Variants in PRKAR1A observed in about 807,000 individuals in gnomAD.
The protein encoded by PRKAR1A is cAMP-dependent protein kinase type I-alpha regulatory subunit.
In PRKAR1A, 3 loss-of-function variants were observed where a neutral mutation model predicts 52.0. The observed-to-expected ratio is 0.06, with a 90% CI of 0.03 to 0.15. The LOEUF (loss-of-function observed/expected upper bound fraction) is 0.15, where lower values mean the gene tolerates loss of function less well. PRKAR1A is among the 10% of genes least tolerant of loss of function. The probability of loss-of-function intolerance (pLI) is 1.00; values close to 1 mark genes in which losing one functional copy is unlikely to be tolerated. For missense variants in PRKAR1A, 240 were observed against 477.4 expected (o/e 0.50, Z 4.63); for synonymous variants, 188 against 168.4 (o/e 1.12, Z -0.90).
the PRKAR1A span, among the ~76,000 whole-genome samples, chr17:68,481,438 A>T: frequency 6.6e-6 from 1 of 152,200 alleles, no homozygotes; most frequent in South Asian, 2.1e-4. Flanking sequence ...TCTGGGGATG[A>T]TGGGAGATAG....
At position 68,551,082 on chromosome 17, in the gene PRKAR1A, AG is replaced by A. The variant is rs2086813315; in HGVS notation, c.974del. On this transcript the variant is annotated splice_acceptor_variant, in intron 11 of 11. Transcript: ENST00000585981. LOFTEE classifies it high-confidence loss of function. Reference sequence around the variant, plus strand: ...CTCTTGGGGCGATTTTCTTTTCTGCAGGTCACCTCATCATCTCAAGGAGGAG... The same window carrying A: ...CTCTTGGGGCGATTTTCTTTTCTGCAGTCACCTCATCATCTCAAGGAGGAG... 11 of 1,234,238 alleles carry A rather than the reference AG, an allele frequency of 8.9e-6. No individual in the cohort carries two copies. The highest frequency in any genetic ancestry group is 1.0e-5 in the Non-Finnish European group (10 of 988,150). 76.5% of individuals were successfully genotyped at this position (1,234,238 alleles called of 1,614,324 possible). A position where few individuals can be genotyped will look rare whatever the true frequency, so the allele number is the denominator to read the frequency against.
At chr17:68,478,914 G>A in the PRKAR1A span, among the ~76,000 whole-genome samples, 1 of 152,100 alleles carries the variant, frequency 6.6e-6, no homozygotes, top group Non-Finnish European at 1.5e-5. Context: ...TTTTAGTAGA[G>A]ACGGGGTTTC....
the PRKAR1A span, among the ~76,000 whole-genome samples, chr17:68,423,571 G>T: frequency 2.0e-5 from 3 of 152,152 alleles, no homozygotes; most frequent in Admixed American, 6.5e-5. This position sits in a 1 kb window ranked among gnomAD's most constrained non-coding sequence, Gnocchi z 4.4. Flanking sequence ...TATTTCTTGC[G>T]TATAAATAAG....
chr17:68,474,628 G>T, the PRKAR1A span, among the ~76,000 whole-genome samples: 1 of 152,314 alleles, frequency 6.6e-6, no homozygotes, highest in Admixed American at 6.5e-5. Flanking sequence ...GGGAGCAGTG[G>T]CTCACACCTG....
At chr17:68,469,065 ATCTCTT>A in the PRKAR1A span, among the ~76,000 whole-genome samples, 58 of 152,212 alleles carry the variant, frequency 3.8e-4, no homozygotes, top group African/African-American at 1.2e-3. Flanking sequence ...TCCTGATGGG[ATCTCTT>A]TCTCCTGAGC....
chr17:68,526,359 T>TA (rs2085791739), intron 7 of PRKAR1A, among the ~76,000 whole-genome samples: 1 of 152,212 alleles, frequency 6.6e-6, no homozygotes, highest in Non-Finnish European at 1.5e-5. Context: ...CCCCTCTCGT[T>TA]AAAGGAATAA....
chr17:68,491,411 T>C, the PRKAR1A span, among the ~76,000 whole-genome samples: 1 of 152,172 alleles, frequency 6.6e-6, no homozygotes, highest in African/African-American at 2.4e-5. Context: ...ATTTCCTTTG[T>C]CAGATGCCTA....
chr17:68,471,459 G>A, the PRKAR1A span, among the ~76,000 whole-genome samples: 1 of 152,286 alleles, frequency 6.6e-6, no homozygotes, highest in East Asian at 1.9e-4. Flanking sequence ...TTGATGTGTG[G>A]TATGGACAGA....
At chr17:68,433,760 GT>G in the PRKAR1A span, among the ~76,000 whole-genome samples, 470 of 72,824 alleles carry the variant, frequency 6.5e-3, 19 homozygotes, top group East Asian at 0.013. Context: ...AAGGGTCATA[GT>G]TTTTTTTTTT....
chr17:68,508,065 C>T (rs1265424867), upstream of PRKAR1A, among the ~76,000 whole-genome samples: 1 of 143,410 alleles, frequency 7.0e-6, no homozygotes, highest in African/African-American at 2.5e-5. Flanking sequence ...AGTTGAAGGC[C>T]TTAAGAGAAA....
chr17:68,475,284 G>T, the PRKAR1A span, among the ~76,000 whole-genome samples: 3 of 152,320 alleles, frequency 2.0e-5, no homozygotes, highest in African/African-American at 7.2e-5. Flanking sequence ...GGACACCTGT[G>T]CCCTTGTTTC....
At chr17:68,472,453 C>T in the PRKAR1A span, among the ~76,000 whole-genome samples, 1 of 152,210 alleles carries the variant, frequency 6.6e-6, no homozygotes, top group Admixed American at 6.5e-5. Flanking sequence ...AGTGACTTAA[C>T]TTGCAGACCC....
chr17:68,488,886 T>C, the PRKAR1A span, among the ~76,000 whole-genome samples: 9 of 151,906 alleles, frequency 5.9e-5, no homozygotes, highest in Non-Finnish European at 1.0e-4. Context: ...GTGGATATGG[T>C]GTGAGAAATA....
chr17:68,458,159 C>T, the PRKAR1A span, among the ~76,000 whole-genome samples: 1 of 152,194 alleles, frequency 6.6e-6, no homozygotes, highest in South Asian at 2.1e-4. Flanking sequence ...GTTATCTTAT[C>T]CATTGCCGAG....
At chr17:68,486,477 CCT>C in the PRKAR1A span, among the ~76,000 whole-genome samples, 6 of 75,812 alleles carry the variant, frequency 7.9e-5, no homozygotes, top group South Asian at 5.0e-4. Flanking sequence ...TTCTCTCCTT[CCT>C]TCCTTCCTTC....
In PRKAR1A at chr17:68,513,888, G is replaced by A. The variant is rs186945532; in HGVS notation, c.-7+1340G>A. Among the ~76,000 whole-genome samples, 331 of 152,148 alleles carry A rather than the reference G, an allele frequency of 2.2e-3. 2 individuals are homozygous for A. The highest frequency in any genetic ancestry group is 2.6e-3 in the Non-Finnish European group (180 of 68,018). ...TCTTAGAATGATTGATCATTTGAAT[G>A]TTCTTAAAATATGACAATGCTTTGA... On this transcript the variant is annotated intron_variant, in intron 1 of 10. Transcript: ENST00000589228.
the PRKAR1A span, among the ~76,000 whole-genome samples, chr17:68,498,472 T>G: frequency 2.1e-4 from 32 of 152,284 alleles, no homozygotes; most frequent in African/African-American, 7.7e-4. Context: ...ACAGAATAGG[T>G]TCTGGTTGTG....
the PRKAR1A span, among the ~76,000 whole-genome samples, chr17:68,489,903 C>T: frequency 2.0e-5 from 3 of 152,150 alleles, no homozygotes; most frequent in East Asian, 5.8e-4. Context: ...TTAGATATTA[C>T]CAGGGACTGG....
At chr17:68,430,114 A>G in the PRKAR1A span, 132 of 1,613,898 alleles carry the variant, frequency 8.2e-5, no homozygotes, top group Middle Eastern at 1.6e-4. Flanking sequence ...GCAGCCATAA[A>G]CATCTTTCCC....
Sources: allele counts gnomAD v4.1 joint callset (sites outside exome capture counted in the v4.1 genomes callset), GRCh38; gene constraint gnomAD v4.1.1; non-coding constraint Gnocchi (gnomAD v3.1); transcripts MANE v1.5; gene names NCBI Gene and HGNC (gene_info 2026-07-23, HGNC 2026-07-21).